ARHGAP35: variants seen among roughly 807,000 people sequenced by gnomAD.
ARHGAP35 encodes the protein rho GTPase-activating protein 35.
In ARHGAP35, 15 loss-of-function variants were observed where a neutral mutation model predicts 111.1. The ratio of observed to expected loss-of-function variants is 0.13; its 90% confidence interval spans 0.09 to 0.21. The LOEUF is 0.21. Ranked by LOEUF, ARHGAP35 falls within the 10% of genes least tolerant of loss-of-function variation. The probability of loss-of-function intolerance (pLI) is 1.00; values close to 1 mark genes in which losing one functional copy is unlikely to be tolerated. For missense variants in ARHGAP35, 1,262 were observed against 1,873.0 expected (o/e 0.67, Z 6.02); for synonymous variants, 643 against 710.3 (o/e 0.91, Z 1.51).
intron 3 of ARHGAP35, among the ~76,000 whole-genome samples, chr19:46,978,951 G>A (rs1285306705): frequency 1.5e-5 from 2 of 134,632 alleles, no homozygotes; most frequent in African/African-American, 5.6e-5. Context: ...CTGTGTGTGT[G>A]TGGTGGGGTT....
intron 1 of ARHGAP35, among the ~76,000 whole-genome samples, chr19:46,873,996 C>T (rs1000896036): frequency 6.6e-6 from 1 of 152,106 alleles, no homozygotes; most frequent in Admixed American, 6.5e-5. Flanking sequence ...GATCTGCCCG[C>T]TTCAGCCTCC....
At chr19:46,956,973 T>TC (rs1160242321) in intron 3 of ARHGAP35, among the ~76,000 whole-genome samples, 53 of 149,498 alleles carry the variant, frequency 3.5e-4, no homozygotes, top group African/African-American at 1.2e-3. Context: ...TTTTTTTTTT[T>TC]TTTTGAGACG....
intron 1 of ARHGAP35, among the ~76,000 whole-genome samples, chr19:46,873,707 G>T (rs2055900528): frequency 6.7e-6 from 1 of 150,180 alleles, no homozygotes; most frequent in South Asian, 2.1e-4. Context: ...CCTTTTATGG[G>T]CCAAAAACAT....
At chr19:46,893,873 G>A (rs183178897) in intron 1 of ARHGAP35, among the ~76,000 whole-genome samples, 2 of 145,024 alleles carry the variant, frequency 1.4e-5, no homozygotes, top group African/African-American at 2.5e-5. Context: ...AAGTTCGTTC[G>A]TTCGTTCTTT....
intron 1 of ARHGAP35, among the ~76,000 whole-genome samples, chr19:46,907,794 G>A (rs2056118549): frequency 6.6e-6 from 1 of 152,106 alleles, no homozygotes; most frequent in Non-Finnish European, 1.5e-5. Flanking sequence ...TCTTAGGTTG[G>A]CCTTAGCTTC....
intron 2 of ARHGAP35, among the ~76,000 whole-genome samples, chr19:46,932,074 G>A (rs1187609285): frequency 1.3e-5 from 2 of 152,176 alleles, no homozygotes; most frequent in Admixed American, 1.3e-4. Context: ...TGGAAGTCAG[G>A]AGTTCAAGAA....
intron 3 of ARHGAP35, among the ~76,000 whole-genome samples, chr19:46,941,315 G>T (rs1388410142): frequency 6.6e-6 from 1 of 151,846 alleles, no homozygotes; most frequent in Non-Finnish European, 1.5e-5. Flanking sequence ...AACCTCCCTG[G>T]TAGTTCTTCT....
intron 1 of ARHGAP35, among the ~76,000 whole-genome samples, chr19:46,895,303 A>G (rs942849075): frequency 2.0e-5 from 3 of 151,880 alleles, no homozygotes; most frequent in African/African-American, 7.3e-5. Flanking sequence ...AGCTGGGACT[A>G]CAGGCGCTCA....
chr19:46,973,811 C>A (rs1046734940), intron 3 of ARHGAP35, among the ~76,000 whole-genome samples: 1 of 151,970 alleles, frequency 6.6e-6, no homozygotes, highest in Non-Finnish European at 1.5e-5. Flanking sequence ...TATGGTGAAA[C>A]CCCATCTCTA....
intron 3 of ARHGAP35, chr19:46,948,649 A>T (rs2056394476): frequency 6.6e-6 from 1 of 152,212 alleles, no homozygotes. Flanking sequence ...TCTGAGAGTG[A>T]TGGAAGCCAG....
chr19:46,963,999 C>G (rs2056499466), intron 3 of ARHGAP35, among the ~76,000 whole-genome samples: 1 of 151,902 alleles, frequency 6.6e-6, no homozygotes, highest in South Asian at 2.1e-4. Flanking sequence ...TCCCGAGTAG[C>G]TGGGATTACA....
chr19:46,992,633 G>A lies in ARHGAP35; in HGVS notation c.4036+2958G>A, dbSNP rs1417919671. Among the ~76,000 whole-genome samples, 1 of 152,204 alleles carries A rather than the reference G, an allele frequency of 6.6e-6. No homozygotes were observed. Among genetic ancestry groups the A allele is most frequent in the Admixed American group, 6.5e-5 (1 of 15,282 alleles). The stretch of plus-strand genomic sequence containing the variant: ...CTTTTGTGCTGGAAGGGGTGCTAGA[G>A]CTGGCTCCGTCTCAAGCCAGAGGGT... On this transcript the variant is annotated intron_variant, in intron 5 of 6. Transcript: ENST00000672722. The surrounding 1 kb of genome is among the most constrained non-coding windows in gnomAD (Gnocchi z 4.4).
At chr19:46,961,597 A>G (rs2056482692) in intron 3 of ARHGAP35, among the ~76,000 whole-genome samples, 1 of 152,196 alleles carries the variant, frequency 6.6e-6, no homozygotes, top group Non-Finnish European at 1.5e-5. Context: ...TTTTATTTCT[A>G]TAAAGTAGAA....
chr19:47,001,452 C>T lies in ARHGAP35; in HGVS notation c.*764C>T, dbSNP rs912373569. On this transcript the variant is annotated 3_prime_UTR_variant, in exon 7 of 7. Transcript: ENST00000672722. This position sits in a 1 kb window ranked among gnomAD's most constrained non-coding sequence, Gnocchi z 5.4. The stretch of plus-strand genomic sequence containing the variant: ...AAGAAAACTACAGACCTCAAGATTC[C>T]ACTCTGTGCCCGCCTCTGCCGGGAG... 12 of 1,222,578 alleles carry T rather than the reference C, an allele frequency of 9.8e-6. No homozygotes were observed. The highest frequency in any genetic ancestry group is 1.3e-5 in the Non-Finnish European group (12 of 929,316). 75.7% of individuals were successfully genotyped at this position (1,222,578 alleles called of 1,614,324 possible). A position where few individuals can be genotyped will look rare whatever the true frequency, so the allele number is the denominator to read the frequency against.
chr19:46,921,972 TGAA>T lies in ARHGAP35; in HGVS notation c.3304_3306del (p.Glu1102del), dbSNP rs1258136784. The T allele has an allele frequency of 1.2e-6, 2 of 1,613,872 alleles. No individual in the cohort carries two copies. Among genetic ancestry groups the T allele is most frequent in the Non-Finnish European group, 1.7e-6 (2 of 1,179,872 alleles). ...TGGATGCTGTGGTGAAGCCAAGGAA[TGAA>T]GAAGAAAACATATACTCCGTGCCCC... On this transcript the variant is annotated inframe_deletion, in exon 2 of 7. Transcript: ENST00000672722. The surrounding 1 kb of genome is among the most constrained non-coding windows in gnomAD (Gnocchi z 4.3).
intron 3 of ARHGAP35, among the ~76,000 whole-genome samples, chr19:46,944,298 CAAAA>C (rs1198310783): frequency 4.6e-5 from 3 of 64,746 alleles, no homozygotes; most frequent in Non-Finnish European, 6.3e-5. Flanking sequence ...GACCCTGTCT[CAAAA>C]AAAAAAAAAA....
intron 1 of ARHGAP35, among the ~76,000 whole-genome samples, chr19:46,904,485 T>C (rs1281361926): frequency 6.6e-6 from 1 of 152,212 alleles, no homozygotes; most frequent in African/African-American, 2.4e-5. Flanking sequence ...AAGGAAATTA[T>C]GGCCTTGAGC....
At chr19:46,888,317 T>TAA (rs1365181599) in intron 1 of ARHGAP35, among the ~76,000 whole-genome samples, 4 of 53,306 alleles carry the variant, frequency 7.5e-5, no homozygotes, top group African/African-American at 3.1e-4. Context: ...TATATATATA[T>TAA]AAAATATTGA....
At chr19:46,912,233 G>A (rs988005493) in intron 1 of ARHGAP35, among the ~76,000 whole-genome samples, 2 of 151,824 alleles carry the variant, frequency 1.3e-5, no homozygotes, top group Non-Finnish European at 2.9e-5. Context: ...TAGTAGAGGC[G>A]GAGTTTTACC....
Sources: gnomAD v4.1 joint callset for allele counts (sites outside exome capture counted in the v4.1 genomes callset) on GRCh38, gnomAD v4.1.1 for gene constraint, Gnocchi (gnomAD v3.1) non-coding constraint, MANE v1.5 for transcripts, NCBI Gene and HGNC (gene_info 2026-07-23, HGNC 2026-07-21) for gene names.